Variants in DNAH7 observed in about 807,000 individuals in gnomAD.
DNAH7 encodes the protein axonemal beta dynein heavy chain 7.
DNAH7 carries 397 observed loss-of-function variants against 444.6 expected under a neutral mutation model. That is an observed-to-expected ratio of 0.89 (90% CI 0.82 to 0.97). The LOEUF is 0.97. Among genes scored for constraint, DNAH7 ranks in the 50% least tolerant of loss-of-function variants. The probability of loss-of-function intolerance (pLI) is 0.00; values close to 1 mark genes in which losing one functional copy is unlikely to be tolerated. For missense variants in DNAH7, 4,902 were observed against 4,800.8 expected (o/e 1.02, Z -0.62); for synonymous variants, 1,636 against 1,624.4 (o/e 1.01, Z -0.17).
intron 17 of DNAH7, among the ~76,000 whole-genome samples, chr2:195,962,340 A>G (rs1329723086): frequency 6.6e-6 from 1 of 152,154 alleles, no homozygotes; most frequent in African/African-American, 2.4e-5. Flanking sequence ...AAACAATCCA[A>G]TTATACACTT....
chr2:195,983,132 A>G (rs116057375), intron 15 of DNAH7, among the ~76,000 whole-genome samples: 2,354 of 152,304 alleles, frequency 0.015, 56 homozygotes, highest in African/African-American at 0.053. Context: ...AAAATTAAAA[A>G]CAAAATTTAA....
At chr2:195,860,221 C>T (rs1490439842) in intron 42 of DNAH7, among the ~76,000 whole-genome samples, 1 of 152,004 alleles carries the variant, frequency 6.6e-6, no homozygotes, top group Middle Eastern at 3.2e-3. Context: ...TATAAGTTTG[C>T]CTCTCATTTT....
At chr2:195,902,729 G>A (rs1173822432) in intron 27 of DNAH7, 1 of 152,142 alleles carries the variant, frequency 6.6e-6, no homozygotes, top group Non-Finnish European at 1.5e-5. Context: ...GTAAACAAGT[G>A]TCAAGGGGTA....
intron 46 of DNAH7, among the ~76,000 whole-genome samples, chr2:195,849,019 G>A (rs1400040759): frequency 6.6e-6 from 1 of 152,102 alleles, no homozygotes; most frequent in Non-Finnish European, 1.5e-5. Context: ...TAAGCATTCT[G>A]CGGGGAGATA....
At chr2:196,047,643 A>G (rs1285308558) in intron 4 of DNAH7, 144 bp from the exon 5 acceptor site, 1 of 432,480 alleles carries the variant, frequency 2.3e-6, no homozygotes, top group African/African-American at 2.1e-5. Flanking sequence ...TTTTTTTTTT[A>G]CTATCAGGAG....
Position 195,794,345 on chromosome 2 carries a change from T to C in DNAH7, c.10709A>G (p.Lys3570Arg). ...ISDPEFFGSCKKPEEFKKLLY... is the reference protein window; with the variant it reads ...ISDPEFFGSCRKPEEFKKLLY... ...GACTTAACCATTACTAACAGGCTTT[T>C]TGCAGCTGCCAAAGAACTCCGGATC... Residue 3570 changes from lysine (K) to arginine (R), a missense_variant, in exon 57 of 65, where the codon AAA (lysine) becomes AGA (arginine). Lys to Arg is a conservative substitution (Grantham distance 26). Transcript: ENST00000312428. The C allele has an allele frequency of 6.2e-7, 1 of 1,614,148 alleles. No homozygotes were observed. Among genetic ancestry groups the C allele is most frequent in the Middle Eastern group, 1.7e-4 (1 of 6,060 alleles).
rs1258189641 is a variant in DNAH7, at chr2:195,777,960, T to C, written c.10904A>G (p.Tyr3635Cys). The change falls in exon 59 of 65, where the codon TAC (tyrosine) becomes TGC (cysteine). Residue 3635 changes from tyrosine (Y) to cysteine (C), a missense_variant. Tyr to Cys is a radical substitution (Grantham distance 194). Coordinates refer to ENST00000312428, the MANE Select transcript of DNAH7 (RefSeq NM_018897.3). ...TCCGTAATTGCATTCGCCAGTCATG[T>C]ACCGCAGAGCCTCATACGGCAGTTC... ...YEELPYEALR[Y>C]MTGECNYGGR... 6.2e-7 allele frequency: 1 copy of C among 1,613,710 alleles called. No homozygotes were observed. Among genetic ancestry groups the C allele is most frequent in the Non-Finnish European group, 8.5e-7 (1 of 1,179,802 alleles).
At chr2:195,770,901 G>A (rs527514790) in intron 61 of DNAH7, among the ~76,000 whole-genome samples, 101 of 148,946 alleles carry the variant, frequency 6.8e-4, no homozygotes, top group Admixed American at 2.9e-3. Flanking sequence ...ACAAGGTCTT[G>A]CTGTGTTGCC....
At chr2:195,989,470 C>T (rs924115102) in intron 12 of DNAH7, among the ~76,000 whole-genome samples, 1 of 152,108 alleles carries the variant, frequency 6.6e-6, no homozygotes, top group Non-Finnish European at 1.5e-5. Context: ...TACCTGTTGG[C>T]CATCTATTTG....
chr2:195,809,503 TATA>T (rs1252654681), intron 52 of DNAH7, among the ~76,000 whole-genome samples: 2 of 152,126 alleles, frequency 1.3e-5, no homozygotes, highest in African/African-American at 2.4e-5. Context: ...GAAAATCTAA[TATA>T]ATCAATTTAT....
rs543639600 is a variant in DNAH7 at position 195,916,040 on chromosome 2, G to A, written c.3936-5845C>T. 8.5e-5 allele frequency among the ~76,000 whole-genome samples: 13 copies of A among 152,252 alleles called. No individual in the cohort carries two copies. In the South Asian group the frequency reaches 1.7e-3, roughly 19 times the overall value. ...ATTTCTAAAATAAAATCAGATCTTT[G>A]ACAAAGGAGCAAGGGCAATTTTATG... is the stretch of plus-strand genomic sequence containing the variant. On this transcript the variant is annotated intron_variant, in intron 24 of 64. Transcript: ENST00000312428.
At chr2:195,849,240 T>C (rs1475823177) in intron 46 of DNAH7, among the ~76,000 whole-genome samples, 1 of 152,250 alleles carries the variant, frequency 6.6e-6, no homozygotes, top group Non-Finnish European at 1.5e-5. Flanking sequence ...CATCTTTCTC[T>C]GGGTACTTCC....
chr2:195,968,137 C>T (rs1691604821), intron 17 of DNAH7, among the ~76,000 whole-genome samples: 1 of 152,160 alleles, frequency 6.6e-6, no homozygotes, highest in African/African-American at 2.4e-5. Context: ...ATGGCAGGTC[C>T]AGAAATACTG....
chr2:195,870,062 T>A (rs564028057), intron 40 of DNAH7, among the ~76,000 whole-genome samples: 1 of 152,324 alleles, frequency 6.6e-6, no homozygotes, highest in East Asian at 1.9e-4. Flanking sequence ...AAAGCACTGT[T>A]ATGTATAATC....
chr2:195,834,725 C>T (rs1358672690), intron 47 of DNAH7, among the ~76,000 whole-genome samples: 1 of 152,202 alleles, frequency 6.6e-6, no homozygotes, highest in Non-Finnish European at 1.5e-5. Flanking sequence ...TCACTAAGCC[C>T]TCCCATTAAT....
chr2:196,054,608 C>T (rs1467156826), intron 2 of DNAH7, among the ~76,000 whole-genome samples: 1 of 152,192 alleles, frequency 6.6e-6, no homozygotes, highest in Non-Finnish European at 1.5e-5. Flanking sequence ...CCCACCTCCA[C>T]CTACTAAATC....
At position 195,949,455 on chromosome 2, in the gene DNAH7, C is replaced by T. The variant is rs181441474; in HGVS notation, c.3078+7806G>A. Among the ~76,000 whole-genome samples, 108 of 152,072 alleles carry T rather than the reference C, an allele frequency of 7.1e-4. 1 individual carries two copies. Among genetic ancestry groups the T allele is most frequent in the Middle Eastern group, 3.4e-3 (1 of 294 alleles). ...CACACCACTACACCTGGCTAATTTTCGTATTTTCAGTAGAGATGGAGTTTC... is the reference window on the plus strand; with the variant it reads ...CACACCACTACACCTGGCTAATTTTTGTATTTTCAGTAGAGATGGAGTTTC... On this transcript the variant is annotated intron_variant, in intron 19 of 64. Transcript: ENST00000312428.
chr2:195,745,020 G>C (rs1693306294), intron 63 of DNAH7, among the ~76,000 whole-genome samples: 1 of 152,240 alleles, frequency 6.6e-6, no homozygotes, highest in Admixed American at 6.5e-5. Context: ...ACTTTGACGA[G>C]CTGAGAGAAG....
At chr2:195,862,076 C>G in intron 41 of DNAH7, 130 bp from the exon 42 acceptor site, 1 of 708,104 alleles carries the variant, frequency 1.4e-6, no homozygotes, top group Admixed American at 2.9e-5. Context: ...GTGGGAGAGA[C>G]AATTTCATAA....
Sources: allele counts gnomAD v4.1 joint callset (sites outside exome capture counted in the v4.1 genomes callset), GRCh38; gene constraint gnomAD v4.1.1; transcripts MANE v1.5; gene names NCBI Gene and HGNC (gene_info 2026-07-23, HGNC 2026-07-21).